WWOX: variants seen among roughly 807,000 people sequenced by gnomAD.
The protein encoded by WWOX is WW domain containing oxidoreductase, also known as WW domain-containing oxidoreductase.
Under a neutral mutation model 46.2 loss-of-function variants are expected in WWOX, and 69 were observed. The observed-to-expected ratio is 1.49, with a 90% CI of 1.23 to 1.82. The LOEUF (loss-of-function observed/expected upper bound fraction) is 1.82, where lower values mean the gene tolerates loss of function less well. Among genes scored for constraint, WWOX ranks in the 40% most tolerant of loss-of-function variants. The pLI is 0.00. For synonymous variants in WWOX, 359 were observed against 202.6 expected (o/e 1.77, Z -6.56); for missense variants, 919 against 542.6 (o/e 1.69, Z -6.89).
In WWOX at chr16:78,442,898, G is replaced by A. The variant is rs1030195111; in HGVS notation, c.1056+10146G>A. 3.3e-5 allele frequency among the ~76,000 whole-genome samples: 5 copies of A among 151,994 alleles called. No homozygotes were observed. In the East Asian group the frequency reaches 5.8e-4, roughly 18 times the overall value. On this transcript the variant is annotated intron_variant, in intron 8 of 8. Transcript: ENST00000566780. Reference sequence around the variant, plus strand: ...AGCACTTTGGGAGGCCGAGCCGGGCGAATCACGAGGTCAGGAGATTGAGAC... The same window carrying A: ...AGCACTTTGGGAGGCCGAGCCGGGCAAATCACGAGGTCAGGAGATTGAGAC...
intron 8 of WWOX, among the ~76,000 whole-genome samples, chr16:79,098,896 C>T (rs371498292): frequency 1.1e-4 from 16 of 152,214 alleles, no homozygotes; most frequent in Admixed American, 6.5e-4. Flanking sequence ...TAGTTTTGTC[C>T]GTTTTGTGTT....
At chr16:78,923,946 C>T (rs79551727) in intron 8 of WWOX, among the ~76,000 whole-genome samples, 29,132 of 151,534 alleles carry the variant, frequency 0.19, 2,876 homozygotes, top group East Asian at 0.3. Context: ...AGTACAGGTG[C>T]CCGCCACCAC....
chr16:78,612,807 G>A (rs1043590299), intron 8 of WWOX, among the ~76,000 whole-genome samples: 1 of 152,134 alleles, frequency 6.6e-6, no homozygotes, highest in South Asian at 2.1e-4. Flanking sequence ...CAAAATGAAG[G>A]CTACAATATT....
chr16:78,381,680 A>AT (rs1316055123), intron 5 of WWOX, among the ~76,000 whole-genome samples: 2 of 152,216 alleles, frequency 1.3e-5, no homozygotes, highest in South Asian at 4.1e-4. Flanking sequence ...TTTGAGAGCC[A>AT]TTTTACAGCA....
intron 8 of WWOX, among the ~76,000 whole-genome samples, chr16:78,837,065 C>G (rs1467839822): frequency 1.3e-5 from 2 of 151,720 alleles, no homozygotes; most frequent in Non-Finnish European, 2.9e-5. Flanking sequence ...ACAAGAAGTT[C>G]CAGAATTGCA....
At chr16:78,175,770 G>C (rs188022370) in intron 5 of WWOX, among the ~76,000 whole-genome samples, 1 of 152,220 alleles carries the variant, frequency 6.6e-6, no homozygotes, top group Non-Finnish European at 1.5e-5. Context: ...AATGGTTACT[G>C]TTTTAAGCCA....
chr16:78,407,498 A>C (rs1157944442), intron 6 of WWOX, among the ~76,000 whole-genome samples: 1 of 152,218 alleles, frequency 6.6e-6, no homozygotes, highest in Non-Finnish European at 1.5e-5. Flanking sequence ...GGAGCATGTT[A>C]ACAATTTCAC....
intron 8 of WWOX, among the ~76,000 whole-genome samples, chr16:78,818,422 C>T (rs548941828): frequency 6.6e-6 from 1 of 152,282 alleles, no homozygotes; most frequent in South Asian, 2.1e-4. Context: ...AGTAGAAAGC[C>T]CTAGGACAAG....
rs563177349 is a variant in WWOX at position 78,984,265 on chromosome 16, A to T, written c.1057-227343A>T. ...TGTACATGTTTGCCAAGACTGCTAT[A>T]TGGCAGAGCTTGGAATTCTTAGGAG... On this transcript the variant is annotated intron_variant, in intron 8 of 8. Coordinates refer to ENST00000566780, the MANE Select transcript of WWOX (RefSeq NM_016373.4). Among the ~76,000 whole-genome samples the T allele has an allele frequency of 1.1e-4, 16 of 152,264 alleles. No homozygotes were observed. The East Asian group carries it at 3.1e-3, about 30-fold the overall frequency.
chr16:78,711,026 T>A (rs2048433918), intron 8 of WWOX, among the ~76,000 whole-genome samples: 1 of 152,228 alleles, frequency 6.6e-6, no homozygotes, highest in African/African-American at 2.4e-5. Context: ...AGGCCAGATT[T>A]CAGGACCTAA....
chr16:79,085,703 C>A (rs9635581), intron 8 of WWOX, among the ~76,000 whole-genome samples: 1 of 151,908 alleles, frequency 6.6e-6, no homozygotes, highest in African/African-American at 2.4e-5. Flanking sequence ...TTATTCCTTA[C>A]CAAAACCAGT....
intron 1 of WWOX, among the ~76,000 whole-genome samples, chr16:78,100,479 A>G (rs936195767): frequency 5.3e-5 from 8 of 152,134 alleles, no homozygotes; most frequent in Admixed American, 2.0e-4. Context: ...GTCTCGAACT[A>G]CTGGGCTCAA....
intron 5 of WWOX, among the ~76,000 whole-genome samples, chr16:78,189,617 C>T (rs1263607723): frequency 6.6e-6 from 1 of 152,104 alleles, no homozygotes; most frequent in East Asian, 1.9e-4. Context: ...ATAATAATGG[C>T]ACCTAAACAA....
chr16:78,520,074 G>A (rs900222766), intron 8 of WWOX, among the ~76,000 whole-genome samples: 2 of 152,108 alleles, frequency 1.3e-5, no homozygotes, highest in Non-Finnish European at 2.9e-5. Flanking sequence ...CATTCACTTA[G>A]TTTCGAAAGG....
At chr16:78,143,337 A>G (rs1398845982) in intron 4 of WWOX, among the ~76,000 whole-genome samples, 1 of 152,236 alleles carries the variant, frequency 6.6e-6, no homozygotes, top group Non-Finnish European at 1.5e-5. Flanking sequence ...GATCAAGGTC[A>G]TCTTCACGTC....
intron 8 of WWOX, among the ~76,000 whole-genome samples, chr16:79,185,133 G>A (rs1051383240): frequency 2.0e-5 from 3 of 152,166 alleles, no homozygotes; most frequent in Admixed American, 6.5e-5. Flanking sequence ...GAATGGCTGA[G>A]GGGGAGAGGC....
intron 8 of WWOX, among the ~76,000 whole-genome samples, chr16:79,084,225 C>T (rs1342500180): frequency 6.6e-6 from 1 of 152,110 alleles, no homozygotes; most frequent in East Asian, 1.9e-4. Context: ...AAATGCATTT[C>T]TTGTTCCTAG....
chr16:78,318,875 T>C (rs976183122), intron 5 of WWOX, among the ~76,000 whole-genome samples: 1 of 152,130 alleles, frequency 6.6e-6, no homozygotes, highest in African/African-American at 2.4e-5. Flanking sequence ...CTGGGTACAA[T>C]GTGAGTGTAT....
At chr16:78,340,264 C>T (rs1342725772) in intron 5 of WWOX, among the ~76,000 whole-genome samples, 1 of 114,406 alleles carries the variant, frequency 8.7e-6, no homozygotes, top group Admixed American at 8.6e-5. Context: ...TGGTGTGATC[C>T]TGCCTAACTG....
Sources: gnomAD v4.1 joint callset for allele counts (sites outside exome capture counted in the v4.1 genomes callset) on GRCh38, gnomAD v4.1.1 for gene constraint, MANE v1.5 for transcripts, NCBI Gene and HGNC (gene_info 2026-07-23, HGNC 2026-07-21) for gene names.